The following PLPP1 variants were observed in gnomAD, a reference collection of about 807,000 sequenced individuals.
PLPP1 encodes the protein phospholipid phosphatase 1.
PLPP1 carries 24 observed loss-of-function variants against 31.2 expected under a neutral mutation model. That is an observed-to-expected ratio of 0.77 (90% CI 0.56 to 1.08). PLPP1 has a LOEUF of 1.08. Among genes scored for constraint, PLPP1 ranks in the 50% least tolerant of loss-of-function variants. The probability of loss-of-function intolerance (pLI) is 0.00; values close to 1 mark genes in which losing one functional copy is unlikely to be tolerated. For missense variants in PLPP1, 319 were observed against 342.7 expected (o/e 0.93, Z 0.55); for synonymous variants, 146 against 126.3 (o/e 1.16, Z -1.05).
At chr5:55,475,028 A>G (rs1022100528) in intron 2 of PLPP1, among the ~76,000 whole-genome samples, 1 of 152,034 alleles carries the variant, frequency 6.6e-6, no homozygotes, top group Non-Finnish European at 1.5e-5. Flanking sequence ...ATAGTATCCA[A>G]CTCCGAGACT....
intron 1 of PLPP1, among the ~76,000 whole-genome samples, chr5:55,479,549 G>T (rs111804094): frequency 6.6e-6 from 1 of 152,158 alleles, no homozygotes; most frequent in African/African-American, 2.4e-5. Flanking sequence ...ACAACACTGA[G>T]CCATGTACAA....
intron 3 of PLPP1, among the ~76,000 whole-genome samples, chr5:55,443,233 A>T (rs1449779434): frequency 4.9e-5 from 7 of 142,690 alleles, no homozygotes; most frequent in Non-Finnish European, 9.1e-5. Flanking sequence ...ACACACACAC[A>T]CATATATATG....
At chr5:55,486,035 T>C (rs566006171) in intron 1 of PLPP1, among the ~76,000 whole-genome samples, 7 of 152,220 alleles carry the variant, frequency 4.6e-5, no homozygotes, top group Admixed American at 3.9e-4. Flanking sequence ...CCTGCCAGAT[T>C]TGTGTATGAG....
At chr5:55,441,790 G>GCT in intron 4 of PLPP1, 61 bp downstream of exon 4, 1 of 1,523,918 alleles carries the variant, frequency 6.6e-7, no homozygotes, top group South Asian at 1.1e-5. Flanking sequence ...GGACACTGAT[G>GCT]CTGAGCACAT....
chr5:55,445,656 T>G (rs1213502733), intron 3 of PLPP1, among the ~76,000 whole-genome samples: 1 of 149,412 alleles, frequency 6.7e-6, no homozygotes, highest in East Asian at 2.1e-4. Flanking sequence ...GCAATTCTCC[T>G]GCCTCAGCCT....
At chr5:55,527,725 G>A (rs1561259151) in intron 1 of PLPP1, among the ~76,000 whole-genome samples, 1 of 152,170 alleles carries the variant, frequency 6.6e-6, no homozygotes, top group Non-Finnish European at 1.5e-5. Context: ...AGCAACGTCA[G>A]GAAGCCATTA....
chr5:55,468,833 C>A (rs996512053), intron 2 of PLPP1, among the ~76,000 whole-genome samples: 7 of 151,966 alleles, frequency 4.6e-5, no homozygotes, highest in South Asian at 2.1e-4. Context: ...ACATACATAC[C>A]TACTTCCCCA....
intron 3 of PLPP1, among the ~76,000 whole-genome samples, chr5:55,460,694 A>T (rs1232171990): frequency 6.6e-6 from 1 of 152,142 alleles, no homozygotes; most frequent in East Asian, 1.9e-4. Context: ...CTTCCCACAA[A>T]GATTATTCGA....
chr5:55,472,718 G>C (rs1217940243), intron 2 of PLPP1, among the ~76,000 whole-genome samples: 3 of 150,562 alleles, frequency 2.0e-5, no homozygotes, highest in Non-Finnish European at 4.4e-5. Flanking sequence ...GAGAAAGAGA[G>C]AGAGAAGAGG....
At chr5:55,444,743 T>TGTATGTGTGTGTGTGTGTG (rs368045819) in intron 3 of PLPP1, among the ~76,000 whole-genome samples, 2 of 137,268 alleles carry the variant, frequency 1.5e-5, no homozygotes, top group Admixed American at 7.4e-5. Flanking sequence ...GGATTCTATT[T>TGTATGTGTGTGTGTGTGTG]TGTGTGTGTG....
At chr5:55,490,980 C>A (rs1306273526) in intron 1 of PLPP1, 1 of 1,611,882 alleles carries the variant, frequency 6.2e-7, no homozygotes, top group Middle Eastern at 1.7e-4. Context: ...GGCAAGCCAA[C>A]CCCCACTAGG....
chr5:55,516,775 T>C (rs1753562660), intron 1 of PLPP1, among the ~76,000 whole-genome samples: 1 of 152,230 alleles, frequency 6.6e-6, no homozygotes, highest in Non-Finnish European at 1.5e-5. Flanking sequence ...TAAAAATGAA[T>C]GGAAATTTGT....
intron 4 of PLPP1, among the ~76,000 whole-genome samples, chr5:55,439,931 A>T (rs1751584827): frequency 6.6e-6 from 1 of 152,166 alleles, no homozygotes; most frequent in Admixed American, 6.5e-5. Flanking sequence ...AAATAAATGG[A>T]CTAGGGTTCA....
intron 3 of PLPP1, among the ~76,000 whole-genome samples, chr5:55,453,517 G>A (rs1353410157): frequency 2.0e-5 from 3 of 152,196 alleles, no homozygotes; most frequent in African/African-American, 7.2e-5. Flanking sequence ...CATCTGGCAA[G>A]TATTGGAATA....
rs1740637669 is a variant in PLPP1 at position 55,530,840 on chromosome 5, A to AGTAGGATGTGGCC, written c.58+3719_58+3731dup. ...TTGAGCACCTCCTGACAGACGGGGC[A>AGTAGGATGTGGCC]GTAGGATGTGGCCGCGGAGAGGTCC... On this transcript the variant is annotated intron_variant, in intron 1 of 5. Transcript: ENST00000307259. 4 of 1,236,964 alleles carry AGTAGGATGTGGCC rather than the reference A, an allele frequency of 3.2e-6. No individual in the cohort carries two copies. The South Asian group carries it at 4.9e-5, about 15-fold the overall frequency. The allele number at this position is 1,236,964 out of a possible 1,614,324, so 76.6% of individuals were successfully genotyped here.
At chr5:55,516,342 A>G (rs1753554909) in intron 1 of PLPP1, among the ~76,000 whole-genome samples, 1 of 152,078 alleles carries the variant, frequency 6.6e-6, no homozygotes. Flanking sequence ...CCTGCAGCCA[A>G]AGTAATCATT....
intron 1 of PLPP1, among the ~76,000 whole-genome samples, chr5:55,492,648 G>A (rs1579961908): frequency 6.6e-6 from 1 of 152,176 alleles, no homozygotes; most frequent in African/African-American, 2.4e-5. Context: ...AGAGCACAAA[G>A]GGAATGAGCA....
At chr5:55,528,692 AC>A (rs1444806052) in intron 1 of PLPP1, among the ~76,000 whole-genome samples, 1 of 152,208 alleles carries the variant, frequency 6.6e-6, no homozygotes, top group Admixed American at 6.5e-5. Context: ...TTTTTATTAA[AC>A]CAAGTTTAAA....
At chr5:55,475,980 CT>C (rs34891567) in intron 1 of PLPP1, among the ~76,000 whole-genome samples, 76 of 139,026 alleles carry the variant, frequency 5.5e-4, no homozygotes, top group East Asian at 1.2e-3. Flanking sequence ...CTTAAAGTTT[CT>C]TTTTTTTTTT....
Sources: allele counts gnomAD v4.1 joint callset (sites outside exome capture counted in the v4.1 genomes callset), GRCh38; gene constraint gnomAD v4.1.1; transcripts MANE v1.5; gene names NCBI Gene and HGNC (gene_info 2026-07-23, HGNC 2026-07-21).